Variants in CREM observed in about 807,000 individuals in gnomAD.
CREM encodes cAMP-responsive element modulator.
In CREM, 13 loss-of-function variants were observed where a neutral mutation model predicts 37.3. That is an observed-to-expected ratio of 0.35 (90% confidence interval 0.23 to 0.55). The LOEUF is 0.55. CREM is among the 20% of genes least tolerant of loss of function. CREM has a pLI of 0.88. For synonymous variants in CREM, 124 were observed against 120.2 expected (o/e 1.03, Z -0.21); for missense variants, 296 against 362.3 (o/e 0.82, Z 1.49).
intron 6 of CREM, among the ~76,000 whole-genome samples, chr10:35,191,542 T>G (rs1250598544): frequency 6.6e-6 from 1 of 152,172 alleles, no homozygotes; most frequent in Non-Finnish European, 1.5e-5. Context: ...TTCCCTGCCC[T>G]CCTTCTCCCT....
chr10:35,201,358 C>A, intron 6 of CREM: 1 of 1,378,386 alleles, frequency 7.3e-7, no homozygotes, highest in Non-Finnish European at 1.0e-6. Context: ...TGTGGAGTGC[C>A]TGCCATGTGC....
At position 35,207,064 on chromosome 10, in the gene CREM, AC is replaced by A; in HGVS notation, c.755+14del. The A allele has an allele frequency of 6.2e-7, 1 of 1,608,348 alleles. No individual in the cohort carries two copies. Among genetic ancestry groups the A allele is most frequent in the South Asian group, 1.1e-5 (1 of 90,834 alleles). ...TAATGAAAAACAGGTGAGGTGTTGC[AC>A]AGGGAATCGGTAACTTCTAGGACAC... is the stretch of plus-strand genomic sequence containing the variant. On this transcript the variant is annotated intron_variant, in intron 7 of 7. Coordinates refer to ENST00000685392, the MANE Select transcript of CREM (RefSeq NM_183011.2).
At chr10:35,127,440 C>A (rs928428509) in intron 1 of CREM, 5 of 152,160 alleles carry the variant, frequency 3.3e-5, no homozygotes, top group Non-Finnish European at 7.3e-5. Flanking sequence ...ACGCCCGCTT[C>A]GTGCGCTCAG....
At chr10:35,149,939 C>CACA (rs1554890903) in intron 3 of CREM, among the ~76,000 whole-genome samples, 12 of 145,140 alleles carry the variant, frequency 8.3e-5, no homozygotes, top group East Asian at 2.2e-4. Flanking sequence ...CACACACACA[C>CACA]CCTTGTTAAA....
chr10:35,194,578 A>C (rs912775204), intron 6 of CREM, among the ~76,000 whole-genome samples: 5 of 152,226 alleles, frequency 3.3e-5, no homozygotes, highest in African/African-American at 1.2e-4. Flanking sequence ...CCTTTAAGTG[A>C]AAGTAGCAAA....
At chr10:35,168,503 T>A (rs1006007724) in intron 3 of CREM, among the ~76,000 whole-genome samples, 19 of 152,086 alleles carry the variant, frequency 1.2e-4, no homozygotes, top group Non-Finnish European at 2.2e-4. Context: ...TATTAGCCCA[T>A]TGTCAGATGA....
intron 5 of CREM, among the ~76,000 whole-genome samples, chr10:35,185,068 A>G (rs1448521863): frequency 2.7e-5 from 3 of 110,158 alleles, no homozygotes; most frequent in East Asian, 2.7e-4. Context: ...CATTCATTCT[A>G]TTTTTTGAGT....
intron 6 of CREM, among the ~76,000 whole-genome samples, chr10:35,188,902 G>T (rs1046389336): frequency 1.3e-5 from 2 of 151,956 alleles, no homozygotes; most frequent in African/African-American, 4.8e-5. Context: ...AGATGGAGTC[G>T]TCCTGACCTC....
intron 6 of CREM, 75 bp from the exon 7 acceptor site, chr10:35,206,820 T>C: frequency 7.3e-7 from 1 of 1,374,794 alleles, no homozygotes; most frequent in Non-Finnish European, 1.0e-6. Flanking sequence ...AGTATATCAT[T>C]TCCAGATCAG....
intron 6 of CREM, among the ~76,000 whole-genome samples, chr10:35,189,822 CA>C (rs1419446270): frequency 6.6e-6 from 1 of 152,222 alleles, no homozygotes; most frequent in African/African-American, 2.4e-5. Flanking sequence ...AAAGTAAAAT[CA>C]GTTATTTTAG....
At position 35,148,511 on chromosome 10, in the gene CREM, C is replaced by A; in HGVS notation, c.168+20C>A. 6.3e-7 allele frequency: 1 copy of A among 1,595,828 alleles called. No homozygotes were observed. Among genetic ancestry groups the A allele is most frequent in the Non-Finnish European group, 8.5e-7 (1 of 1,173,466 alleles). On this transcript the variant is annotated intron_variant, in intron 3 of 7. Coordinates refer to ENST00000685392, the MANE Select transcript of CREM (RefSeq NM_183011.2). Reference sequence around the variant, plus strand: ...GCTCAGGTAGGCAATAGGCAGGCACCGTTGAAAGTCAAAATATATGGAAAT... The same window carrying A: ...GCTCAGGTAGGCAATAGGCAGGCACAGTTGAAAGTCAAAATATATGGAAAT...
At chr10:35,152,138 C>T (rs778015319) in intron 3 of CREM, 2 of 152,224 alleles carry the variant, frequency 1.3e-5, no homozygotes, top group Non-Finnish European at 2.9e-5. Context: ...GAATTTCTGA[C>T]ACTCACCTTC....
intron 6 of CREM, among the ~76,000 whole-genome samples, chr10:35,188,846 C>T (rs563793586): frequency 1.4e-4 from 22 of 151,778 alleles, no homozygotes; most frequent in African/African-American, 4.8e-4. Context: ...TTAGTAGAGA[C>T]GGGGTTTCAC....
At chr10:35,176,003 A>G (rs2094052318) in intron 3 of CREM, 1 of 1,547,100 alleles carries the variant, frequency 6.5e-7, no homozygotes. Context: ...CGTTCAGGTT[A>G]GCTTCCTTCC....
intron 6 of CREM, among the ~76,000 whole-genome samples, chr10:35,189,444 C>G (rs942333450): frequency 2.0e-5 from 3 of 152,094 alleles, no homozygotes; most frequent in Admixed American, 1.3e-4. Context: ...TTGGTCCATT[C>G]GCTTAGGATT....
chr10:35,145,251 C>T (rs1444805831), intron 2 of CREM, among the ~76,000 whole-genome samples: 1 of 151,946 alleles, frequency 6.6e-6, no homozygotes, highest in Admixed American at 6.6e-5. Context: ...CTGTCTCTTC[C>T]CCACTAAATC....
intron 3 of CREM, chr10:35,167,613 T>C (rs1174149701): frequency 1.0e-5 from 10 of 980,834 alleles, no homozygotes; most frequent in Admixed American, 7.7e-5. Context: ...TTCCCAGTTA[T>C]AAGTGTCACT....
rs1032724109 is a variant in CREM, at chr10:35,126,858, T to C, written c.-390T>C. 6.6e-6 allele frequency: 1 copy of C among 152,230 alleles called. No individual in the cohort carries two copies. Among genetic ancestry groups the C allele is most frequent in the Non-Finnish European group, 1.5e-5 (1 of 68,088 alleles). 9.4% of individuals were successfully genotyped at this position (152,230 alleles called of 1,614,324 possible). A position where few individuals can be genotyped will look rare whatever the true frequency, so the allele number is the denominator to read the frequency against. On this transcript the variant is annotated 5_prime_UTR_variant, in exon 1 of 8. Coordinates refer to ENST00000685392, the MANE Select transcript of CREM (RefSeq NM_183011.2). ...CCGGTTCCATTTCATTGTTGGATTG[T>C]GGCGCTTCACTCCTGCTGGCGGCCG...
rs371978117 is a variant in CREM at position 35,194,097 on chromosome 10, CAAAA to C, written c.598+5733_598+5736del. 8.9e-3 allele frequency among the ~76,000 whole-genome samples: 223 copies of C among 25,042 alleles called. 1 individual carries two copies. The highest frequency in any genetic ancestry group is 0.032 in the African/African-American group (194 of 5,986). 16.4% of individuals were successfully genotyped at this position (25,042 alleles called of 152,430 possible). A position where few individuals can be genotyped will look rare whatever the true frequency, so the allele number is the denominator to read the frequency against. On this transcript the variant is annotated intron_variant, in intron 6 of 7. Transcript: ENST00000685392. ...GGGGGAGAATAGCGAGACTTCATCT[CAAAA>C]AAAAAAAAAAAAAAAAAAAAAAAGA...
Sources: allele counts gnomAD v4.1 joint callset (sites outside exome capture counted in the v4.1 genomes callset), GRCh38; gene constraint gnomAD v4.1.1; transcripts MANE v1.5; gene names NCBI Gene and HGNC (gene_info 2026-07-23, HGNC 2026-07-21).